XKR9: variants seen among roughly 807,000 people sequenced by gnomAD.
XKR9 encodes the protein XK related 9, also known as XK-related protein 9.
Under a neutral mutation model 32.0 loss-of-function variants are expected in XKR9, and 32 were observed. That is an observed-to-expected ratio of 1.00 (90% CI 0.76 to 1.34). XKR9 has a LOEUF of 1.34. Ranked by LOEUF, XKR9 falls within the 40% of genes most tolerant of loss-of-function variation. The pLI, the probability that XKR9 is intolerant of heterozygous loss-of-function variation, is 0.00. For missense variants in XKR9, 546 were observed against 429.7 expected (o/e 1.27, Z -2.39); for synonymous variants, 168 against 143.4 (o/e 1.17, Z -1.22).
the XKR9 span, among the ~76,000 whole-genome samples, chr8:70,947,605 A>C: frequency 6.6e-6 from 1 of 152,258 alleles, no homozygotes; most frequent in South Asian, 2.1e-4. Flanking sequence ...AAAATATCTA[A>C]GAAAATACAT....
At chr8:70,803,267 A>G in the XKR9 span, among the ~76,000 whole-genome samples, 1 of 152,190 alleles carries the variant, frequency 6.6e-6, no homozygotes, top group Non-Finnish European at 1.5e-5. Flanking sequence ...TATGAAATTC[A>G]TGAAGAGAAT....
chr8:71,035,216 T>G, the XKR9 span, among the ~76,000 whole-genome samples: 7 of 152,198 alleles, frequency 4.6e-5, no homozygotes, highest in Non-Finnish European at 1.5e-5. Flanking sequence ...GACATGTACA[T>G]TGAAGAACTA....
At chr8:70,752,108 A>AT (rs1407250921) in intron 2 of XKR9, among the ~76,000 whole-genome samples, 1 of 151,802 alleles carries the variant, frequency 6.6e-6, no homozygotes, top group Non-Finnish European at 1.5e-5. Flanking sequence ...CCTCCACCCC[A>AT]TTTTCCCTCT....
the XKR9 span, among the ~76,000 whole-genome samples, chr8:70,967,387 C>T: frequency 6.6e-6 from 1 of 152,040 alleles, no homozygotes; most frequent in African/African-American, 2.4e-5. Flanking sequence ...ACTCTTTATC[C>T]ATCTTGCCAT....
the XKR9 span, among the ~76,000 whole-genome samples, chr8:71,036,199 C>CAATG: frequency 6.6e-6 from 1 of 152,080 alleles, no homozygotes; most frequent in Non-Finnish European, 1.5e-5. Context: ...GCAAACCTAG[C>CAATG]AATGAATAGA....
chr8:70,700,042 T>G (rs1805459464), intron 3 of XKR9, among the ~76,000 whole-genome samples: 2 of 152,348 alleles, frequency 1.3e-5, no homozygotes, highest in South Asian at 4.1e-4. Flanking sequence ...ATCAGCTCCT[T>G]TAAGCACTCT....
chr8:70,944,739 G>A, the XKR9 span, among the ~76,000 whole-genome samples: 1 of 152,144 alleles, frequency 6.6e-6, no homozygotes, highest in Admixed American at 6.5e-5. Flanking sequence ...AACCTAAGAG[G>A]AAAGAGATTA....
At chr8:70,971,442 G>A in the XKR9 span, among the ~76,000 whole-genome samples, 22 of 152,018 alleles carry the variant, frequency 1.4e-4, 1 homozygote, top group Non-Finnish European at 2.9e-5. Flanking sequence ...TATTTCTTTT[G>A]CTGTGCAGAA....
At chr8:70,701,172 G>C (rs912488743) in intron 3 of XKR9, among the ~76,000 whole-genome samples, 1 of 152,108 alleles carries the variant, frequency 6.6e-6, no homozygotes, top group Non-Finnish European at 1.5e-5. Flanking sequence ...GCTTCGGCTC[G>C]TGCACAGTGT....
At chr8:71,057,362 A>G in the XKR9 span, among the ~76,000 whole-genome samples, 1 of 152,170 alleles carries the variant, frequency 6.6e-6, no homozygotes, top group Non-Finnish European at 1.5e-5. Context: ...AGTGGAGTCT[A>G]ATTTGTATGT....
the XKR9 span, among the ~76,000 whole-genome samples, chr8:71,011,184 G>A: frequency 9.9e-5 from 15 of 152,224 alleles, no homozygotes; most frequent in Non-Finnish European, 1.8e-4. Context: ...GCACTTAGAC[G>A]AGCAAAATAT....
At position 70,776,947 on chromosome 8, in the gene XKR9, C is replaced by CTCTCTCTCTCTCTCTCTA; in HGVS notation, n.353-12391_353-12390insCTCTCTCTCTCTCTCTAT. ...TTTCTCTCTCTCTCTCTCTCTCTCT[C>CTCTCTCTCTCTCTCTCTA]TATATATATATATATATGTATGTAT... On this transcript the variant is annotated intron_variant and non_coding_transcript_variant, in intron 2 of 3. Transcript: ENST00000520273. Among the ~76,000 whole-genome samples, 137 of 54,204 alleles carry CTCTCTCTCTCTCTCTCTA rather than the reference C, an allele frequency of 2.5e-3. 3 individuals are homozygous for CTCTCTCTCTCTCTCTCTA. Among genetic ancestry groups the CTCTCTCTCTCTCTCTCTA allele is most frequent in the East Asian group, 7.3e-3 (18 of 2,454 alleles). 35.6% of individuals were successfully genotyped at this position (54,204 alleles called of 152,430 possible). A position where few individuals can be genotyped will look rare whatever the true frequency, so the allele number is the denominator to read the frequency against.
intron 4 of XKR9, among the ~76,000 whole-genome samples, chr8:70,731,198 T>A (rs1235816875): frequency 6.6e-6 from 1 of 152,150 alleles, no homozygotes. Context: ...GTTTCACAAA[T>A]CCTTTTTTCT....
chr8:70,936,330 G>A, the XKR9 span, among the ~76,000 whole-genome samples: 1 of 152,060 alleles, frequency 6.6e-6, no homozygotes, highest in African/African-American at 2.4e-5. Context: ...ATTCAATTAA[G>A]TTGAAACAAT....
the XKR9 span, among the ~76,000 whole-genome samples, chr8:71,019,121 C>T: frequency 6.6e-6 from 1 of 152,010 alleles, no homozygotes; most frequent in Non-Finnish European, 1.5e-5. Flanking sequence ...GGGGGAAATA[C>T]CTTCTTTCTT....
the XKR9 span, among the ~76,000 whole-genome samples, chr8:70,992,217 T>C: frequency 6.6e-6 from 1 of 152,204 alleles, no homozygotes; most frequent in Non-Finnish European, 1.5e-5. Context: ...ATACCTTCCT[T>C]GAACCATACA....
intron 2 of XKR9, among the ~76,000 whole-genome samples, chr8:70,780,050 G>A (rs11988124): frequency 0.11 from 16,935 of 151,836 alleles, 1,092 homozygotes; most frequent in African/African-American, 0.18. Context: ...TGATGTTAGG[G>A]TGTGGATTTT....
chr8:70,804,967 A>G, the XKR9 span, among the ~76,000 whole-genome samples: 4 of 152,346 alleles, frequency 2.6e-5, no homozygotes, highest in Non-Finnish European at 5.9e-5. Context: ...CAAATGTTTA[A>G]GATACTGGCC....
the XKR9 span, among the ~76,000 whole-genome samples, chr8:71,008,382 A>G: frequency 1.2e-4 from 18 of 152,152 alleles, no homozygotes; most frequent in African/African-American, 4.1e-4. Context: ...CAAGAGGTAT[A>G]CTCATAGTTT....
Sources: gnomAD v4.1 joint callset for allele counts (sites outside exome capture counted in the v4.1 genomes callset) on GRCh38, gnomAD v4.1.1 for gene constraint, MANE v1.5 for transcripts, NCBI Gene and HGNC (gene_info 2026-07-23, HGNC 2026-07-21) for gene names.